The following STX5 variants were observed in gnomAD, a reference collection of about 807,000 sequenced individuals.
STX5 encodes syntaxin 5, also known as syntaxin-5.
In STX5, 15 loss-of-function variants were observed where a neutral mutation model predicts 42.9. The ratio of observed to expected loss-of-function variants is 0.35; its 90% CI spans 0.23 to 0.54. STX5 has a LOEUF of 0.54. Ranked by LOEUF, STX5 falls within the 20% of genes least tolerant of loss-of-function variation. The pLI is 0.91. For missense variants in STX5, 430 were observed against 455.0 expected (o/e 0.95, Z 0.50); for synonymous variants, 184 against 173.2 (o/e 1.06, Z -0.49).
chr11:62,814,658 G>A (rs923871766), intron 10 of STX5, among the ~76,000 whole-genome samples: 11 of 143,194 alleles, frequency 7.7e-5, no homozygotes, highest in Non-Finnish European at 1.1e-4. Context: ...ATGGAGTTTC[G>A]CTCGTTGCCC....
At chr11:62,814,606 C>T (rs2084653140) in intron 10 of STX5, among the ~76,000 whole-genome samples, 1 of 151,564 alleles carries the variant, frequency 6.6e-6, no homozygotes, top group Non-Finnish European at 1.5e-5. Flanking sequence ...GGATTACAGG[C>T]AGGTGCCACC....
intron 10 of STX5, among the ~76,000 whole-genome samples, chr11:62,808,535 GC>G (rs1307839645): frequency 6.6e-6 from 1 of 152,042 alleles, no homozygotes; most frequent in East Asian, 1.9e-4. Flanking sequence ...GATCACTTGA[GC>G]CTAGGAGTTG....
intron 10 of STX5, among the ~76,000 whole-genome samples, chr11:62,820,229 G>A (rs190191756): frequency 2.6e-5 from 4 of 151,396 alleles, no homozygotes; most frequent in East Asian, 2.1e-4. Context: ...AAAATTAGCC[G>A]GGCGTGGTGG....
chr11:62,811,134 T>C (rs554643445), intron 10 of STX5, among the ~76,000 whole-genome samples: 44 of 150,692 alleles, frequency 2.9e-4, no homozygotes, highest in Admixed American at 2.6e-3. Context: ...ACATACCCCC[T>C]GACTCCATGG....
chr11:62,819,548 G>A (rs1401792236), intron 10 of STX5, among the ~76,000 whole-genome samples: 1 of 151,492 alleles, frequency 6.6e-6, no homozygotes, highest in East Asian at 1.9e-4. Context: ...GAGACAGGGT[G>A]TTGCTGTCAC....
chr11:62,817,462 C>T (rs2084685859), intron 10 of STX5, among the ~76,000 whole-genome samples: 1 of 152,084 alleles, frequency 6.6e-6, no homozygotes, highest in African/African-American at 2.4e-5. Context: ...AAGTTAACTG[C>T]CTGCGAAAAC....
intron 10 of STX5, among the ~76,000 whole-genome samples, chr11:62,821,749 C>T (rs2084742730): frequency 6.6e-6 from 1 of 151,498 alleles, no homozygotes; most frequent in Non-Finnish European, 1.5e-5. Flanking sequence ...AAATTAACAC[C>T]GGGCATGGTG....
At chr11:62,824,406 A>T in intron 9 of STX5, 53 bp downstream of exon 9, 1 of 1,613,236 alleles carries the variant, frequency 6.2e-7, no homozygotes, top group Admixed American at 1.7e-5. Flanking sequence ...CTCTCTCGGG[A>T]ACCACAGAGG....
intron 10 of STX5, chr11:62,807,902 C>A: frequency 2.2e-6 from 1 of 460,300 alleles, no homozygotes; most frequent in Non-Finnish European, 3.8e-6. Flanking sequence ...ACCCTACCTT[C>A]TCTCAGGCTA....
At position 62,807,404 on chromosome 11, in the gene STX5, C is replaced by A; in HGVS notation, c.*65G>T. On this transcript the variant is annotated 3_prime_UTR_variant, in exon 11 of 11. Coordinates refer to ENST00000294179, the MANE Select transcript of STX5 (RefSeq NM_003164.5). ...GTACCCTGCACAGGCTCAGTGGCAG[C>A]ACTGGCCACTTGCCTTCCCAGGAGG... 2 of 1,579,214 alleles carry A rather than the reference C, an allele frequency of 1.3e-6. No homozygotes were observed. The highest frequency in any genetic ancestry group is 1.7e-6 in the Non-Finnish European group (2 of 1,160,854).
In STX5 at chr11:62,831,113, G is replaced by T; in HGVS notation, c.131C>A (p.Pro44Gln). The T allele has an allele frequency of 1.9e-6, 3 of 1,549,258 alleles. No homozygotes were observed. The highest frequency in any genetic ancestry group is 2.6e-6 in the Non-Finnish European group (3 of 1,145,032). ...SSSDIAPLPP[P>Q]VTLVPPPPDT... ...GGGAGGGGGAGGGACGAGGGTCACT[G>T]GGGGGGGCAGAGGGGCGATGTCGCT... The change falls in exon 2 of 11, where the codon CCA becomes CAA. Residue 44 changes from proline to glutamine, a missense_variant. By Grantham distance (76) the Pro-to-Gln change is moderately conservative. Coordinates refer to ENST00000294179, the MANE Select transcript of STX5 (RefSeq NM_003164.5).
Position 62,807,383 on chromosome 11 carries a change from C to A in STX5, c.*86G>T. 6.5e-7 allele frequency: 1 copy of A among 1,538,550 alleles called. No individual in the cohort carries two copies. ...GAAACAGGGCCTTTCTCCCAAGTAC[C>A]CTGCACAGGCTCAGTGGCAGCACTG... is the stretch of plus-strand genomic sequence containing the variant. On this transcript the variant is annotated 3_prime_UTR_variant, in exon 11 of 11. Coordinates refer to ENST00000294179, the MANE Select transcript of STX5 (RefSeq NM_003164.5).
intron 5 of STX5, among the ~76,000 whole-genome samples, chr11:62,826,611 G>A (rs968431496): frequency 6.7e-6 from 1 of 148,444 alleles, no homozygotes; most frequent in South Asian, 2.1e-4. Flanking sequence ...TATTACAGTC[G>A]AGTGCAGTGG....
In STX5 at chr11:62,831,023, C is replaced by G. The variant is rs201142417; in HGVS notation, c.221G>C (p.Arg74Pro). 2.2e-4 allele frequency: 339 copies of G among 1,550,094 alleles called. No individual in the cohort carries two copies. The highest frequency in any genetic ancestry group is 2.5e-4 in the Non-Finnish European group (289 of 1,147,224). Residue 74 changes from arginine (R) to proline (P), a missense_variant, in exon 2 of 11, where the codon CGT becomes CCT. Coordinates refer to ENST00000294179, the MANE Select transcript of STX5 (RefSeq NM_003164.5). ...FLSACKSLQT[R>P]QNGIQTNKPA... ...TTTTCCACTCCAGGTCCTTACCTGA[C>G]GGGTCTGCAGCGACTTGCAGGCAGA... is the stretch of plus-strand genomic sequence containing the variant.
intron 10 of STX5, among the ~76,000 whole-genome samples, chr11:62,821,637 T>C (rs953686562): frequency 1.3e-5 from 2 of 151,964 alleles, no homozygotes; most frequent in Middle Eastern, 3.4e-3. Context: ...GGCAGGAGAA[T>C]TGCTTGAACT....
rs76875617 is a variant in STX5, at chr11:62,824,149, G to T, written c.908+17C>A. The T allele has an allele frequency of 6.2e-7, 1 of 1,614,126 alleles. No homozygotes were observed. Among genetic ancestry groups the T allele is most frequent in the South Asian group, 1.1e-5 (1 of 91,070 alleles). ...AAGAGAAAGCTCCTCTGTTTGGGGC[G>T]AGAGAGTGTATCTCACCTCTGAATG... On this transcript the variant is annotated intron_variant, in intron 10 of 10. Coordinates refer to ENST00000294179, the MANE Select transcript of STX5 (RefSeq NM_003164.5).
chr11:62,823,900 TA>T, intron 10 of STX5: 1 of 461,292 alleles, frequency 2.2e-6, no homozygotes, highest in Non-Finnish European at 4.0e-6. Flanking sequence ...TCAAATTCCA[TA>T]CACTTACACA....
At chr11:62,808,436 A>G (rs372656875) in intron 10 of STX5, among the ~76,000 whole-genome samples, 9,553 of 146,294 alleles carry the variant, frequency 0.065, 346 homozygotes, top group East Asian at 0.14. Context: ...TCAGGGGGAA[A>G]AAAAAAAAAA....
intron 10 of STX5, among the ~76,000 whole-genome samples, chr11:62,819,604 G>A (rs998638114): frequency 6.6e-5 from 10 of 151,692 alleles, no homozygotes; most frequent in South Asian, 2.1e-4. Context: ...TGCAACCTCC[G>A]CCCCCAGGGC....
Sources: gnomAD v4.1 joint callset for allele counts (sites outside exome capture counted in the v4.1 genomes callset) on GRCh38, gnomAD v4.1.1 for gene constraint, MANE v1.5 for transcripts, NCBI Gene and HGNC (gene_info 2026-07-23, HGNC 2026-07-21) for gene names.